Variants in SMYD3 observed in about 807,000 individuals in gnomAD.
SMYD3 encodes the protein histone-lysine N-methyltransferase SMYD3.
Under a neutral mutation model 57.7 loss-of-function variants are expected in SMYD3, and 36 were observed. That is an observed-to-expected ratio of 0.62 (90% CI 0.48 to 0.82). SMYD3 has a LOEUF of 0.82. SMYD3 is among the 40% of genes least tolerant of loss of function. The probability of loss-of-function intolerance (pLI) is 0.00; values close to 1 mark genes in which losing one functional copy is unlikely to be tolerated. For missense variants in SMYD3, 515 were observed against 538.8 expected (o/e 0.96, Z 0.44); for synonymous variants, 211 against 195.0 (o/e 1.08, Z -0.68).
At chr1:246,256,422 T>C (rs1281654765) in intron 5 of SMYD3, among the ~76,000 whole-genome samples, 1 of 152,174 alleles carries the variant, frequency 6.6e-6, no homozygotes, top group East Asian at 1.9e-4. Context: ...TCACAGTGTG[T>C]TTCCAGGAAT....
At chr1:246,421,851 C>G (rs1037893986) in intron 1 of SMYD3, among the ~76,000 whole-genome samples, 5 of 152,182 alleles carry the variant, frequency 3.3e-5, no homozygotes, top group African/African-American at 1.2e-4. Flanking sequence ...GAACCAAGAG[C>G]GCCAAGAGCA....
chr1:245,913,063 G>A lies in SMYD3; in HGVS notation c.813+2467C>T, dbSNP rs12567753. Among the ~76,000 whole-genome samples the A allele has an allele frequency of 9.4e-4, 143 of 152,240 alleles. 1 individual carries two copies. In the East Asian group the frequency reaches 0.021, roughly 22 times the overall value. On this transcript the variant is annotated intron_variant, in intron 8 of 11. Transcript: ENST00000490107. ...TGCTGCTATAAAGACACATGCACAC[G>A]TATGTTTATTGTGGCACTATTCACA...
At chr1:245,789,366 A>G (rs985382866) in intron 10 of SMYD3, among the ~76,000 whole-genome samples, 31 of 152,214 alleles carry the variant, frequency 2.0e-4, no homozygotes, top group African/African-American at 7.5e-4. Flanking sequence ...AGAACCCAGT[A>G]TATTTCTGCA....
chr1:246,496,812 G>A (rs912826651), intron 1 of SMYD3, among the ~76,000 whole-genome samples: 1 of 152,106 alleles, frequency 6.6e-6, no homozygotes, highest in Non-Finnish European at 1.5e-5. Context: ...GTGACAGAGT[G>A]AGACTCTGTC....
chr1:246,447,029 CAAAAAAA>C (rs57473890), intron 1 of SMYD3, among the ~76,000 whole-genome samples: 2 of 109,144 alleles, frequency 1.8e-5, no homozygotes, highest in East Asian at 6.5e-4. Context: ...ACTCCGTCTC[CAAAAAAA>C]AAAAAAAAAA....
At chr1:246,295,732 T>C (rs2064781389) in intron 5 of SMYD3, among the ~76,000 whole-genome samples, 1 of 152,148 alleles carries the variant, frequency 6.6e-6, no homozygotes, top group Admixed American at 6.5e-5. Flanking sequence ...ACCAGTTCCA[T>C]CAATAAAATT....
chr1:246,140,385 C>T (rs2061733742), intron 5 of SMYD3, among the ~76,000 whole-genome samples: 1 of 152,192 alleles, frequency 6.6e-6, no homozygotes, highest in East Asian at 1.9e-4. Flanking sequence ...GAAAGACTTA[C>T]ACTTTCTAGC....
intron 1 of SMYD3, among the ~76,000 whole-genome samples, chr1:246,467,960 C>T (rs1051201481): frequency 1.8e-4 from 28 of 152,000 alleles, no homozygotes; most frequent in African/African-American, 6.8e-4. Context: ...CAGGAGTTCA[C>T]GACCAGCCTG....
At chr1:246,177,793 G>T (rs1019731299) in intron 5 of SMYD3, among the ~76,000 whole-genome samples, 1 of 152,138 alleles carries the variant, frequency 6.6e-6, no homozygotes, top group Non-Finnish European at 1.5e-5. Flanking sequence ...TAGAAAAGTT[G>T]CTACTTCGAA....
intron 1 of SMYD3, among the ~76,000 whole-genome samples, chr1:246,385,630 C>T (rs1232989071): frequency 1.3e-5 from 2 of 152,066 alleles, no homozygotes; most frequent in Non-Finnish European, 2.9e-5. Context: ...TAAAGAACCC[C>T]GTATAAATAG....
At chr1:245,834,664 G>T (rs1487617761) in intron 10 of SMYD3, among the ~76,000 whole-genome samples, 4 of 152,202 alleles carry the variant, frequency 2.6e-5, no homozygotes, top group African/African-American at 9.7e-5. Flanking sequence ...AGCAGCCCCA[G>T]TGGAGCAATC....
intron 5 of SMYD3, among the ~76,000 whole-genome samples, chr1:246,219,321 T>C (rs2063215254): frequency 6.6e-6 from 1 of 152,038 alleles, no homozygotes; most frequent in Non-Finnish European, 1.5e-5. Context: ...CAGCTGGATG[T>C]CGGAGAGAAG....
intron 5 of SMYD3, among the ~76,000 whole-genome samples, chr1:246,140,264 T>C (rs985056707): frequency 3.9e-5 from 6 of 152,228 alleles, no homozygotes; most frequent in African/African-American, 1.4e-4. Context: ...TCCACCGCTT[T>C]GGATGTGCAT....
intron 5 of SMYD3, among the ~76,000 whole-genome samples, chr1:246,135,929 G>A (rs1381318593): frequency 6.6e-6 from 1 of 152,104 alleles, no homozygotes; most frequent in Non-Finnish European, 1.5e-5. Context: ...TATATCAAGT[G>A]TAAGGCTTTC....
intron 10 of SMYD3, among the ~76,000 whole-genome samples, chr1:245,844,698 AAGG>A (rs2050576011): frequency 1.3e-5 from 2 of 151,760 alleles, no homozygotes; most frequent in African/African-American, 4.8e-5. Context: ...AGCAGTAGTA[AAGG>A]AGAAGTCTTC....
intron 10 of SMYD3, among the ~76,000 whole-genome samples, chr1:245,850,212 C>T (rs903466360): frequency 1.1e-4 from 16 of 152,152 alleles, no homozygotes; most frequent in African/African-American, 3.6e-4. Context: ...CTTGGCTCCA[C>T]CCCACACGGT....
intron 2 of SMYD3, among the ~76,000 whole-genome samples, chr1:246,341,794 A>G (rs2065637126): frequency 6.6e-6 from 1 of 152,210 alleles, no homozygotes; most frequent in Non-Finnish European, 1.5e-5. Flanking sequence ...AACCCATTTA[A>G]ATGCTGTTAA....
At chr1:245,826,723 C>T (rs2049519463) in intron 10 of SMYD3, among the ~76,000 whole-genome samples, 1 of 152,088 alleles carries the variant, frequency 6.6e-6, no homozygotes, top group African/African-American at 2.4e-5. Flanking sequence ...CTGGGGAGGC[C>T]TCAGGAAACT....
intron 5 of SMYD3, among the ~76,000 whole-genome samples, chr1:246,149,403 C>A (rs1231736899): frequency 6.6e-6 from 1 of 152,102 alleles, no homozygotes; most frequent in East Asian, 1.9e-4. Context: ...GACTGATCCT[C>A]AATTTTAGTT....
Sources: gnomAD v4.1 joint callset for allele counts (sites outside exome capture counted in the v4.1 genomes callset) on GRCh38, gnomAD v4.1.1 for gene constraint, MANE v1.5 for transcripts, NCBI Gene and HGNC (gene_info 2026-07-23, HGNC 2026-07-21) for gene names.